Variants in FOXN3 observed in about 807,000 individuals in gnomAD.
The protein encoded by FOXN3 is forkhead box protein N3.
A neutral mutation model predicts 38.4 loss-of-function variants in FOXN3; 7 were observed. The ratio of observed to expected loss-of-function variants is 0.18; its 90% CI spans 0.10 to 0.34. The LOEUF (loss-of-function observed/expected upper bound fraction) is 0.34, where lower values mean the gene tolerates loss of function less well. Among genes scored for constraint, FOXN3 ranks in the 10% least tolerant of loss-of-function variants. The pLI is 1.00. For missense variants in FOXN3, 456 were observed against 613.4 expected (o/e 0.74, Z 2.71); for synonymous variants, 230 against 242.2 (o/e 0.95, Z 0.47).
chr14:89,195,981 A>T (rs1271073845), intron 4 of FOXN3, among the ~76,000 whole-genome samples: 1 of 152,124 alleles, frequency 6.6e-6, no homozygotes, highest in Non-Finnish European at 1.5e-5. Context: ...AGACTGAGCC[A>T]ATCTCAAATC....
At chr14:89,431,713 G>C (rs1474323154) in intron 1 of FOXN3, among the ~76,000 whole-genome samples, 1 of 152,142 alleles carries the variant, frequency 6.6e-6, no homozygotes, top group Admixed American at 6.5e-5. Context: ...CACAAGCATA[G>C]TGCTGTGGTT....
At chr14:89,488,871 T>TA (rs1221174276) in intron 1 of FOXN3, among the ~76,000 whole-genome samples, 2 of 152,052 alleles carry the variant, frequency 1.3e-5, no homozygotes, top group Non-Finnish European at 2.9e-5. Flanking sequence ...GTTTTAGCTT[T>TA]AAAAAAACAC....
chr14:89,411,163 C>T (rs1455509940), intron 2 of FOXN3, among the ~76,000 whole-genome samples: 2 of 152,166 alleles, frequency 1.3e-5, no homozygotes, highest in Non-Finnish European at 2.9e-5. Flanking sequence ...AGGTTGCGTG[C>T]TTCTTATGAG....
intron 1 of FOXN3, among the ~76,000 whole-genome samples, chr14:89,495,347 G>A (rs1893658347): frequency 6.6e-6 from 1 of 152,138 alleles, no homozygotes; most frequent in Non-Finnish European, 1.5e-5. Context: ...GCCTAGAAAA[G>A]ATGAGCAAAC....
intron 4 of FOXN3, among the ~76,000 whole-genome samples, chr14:89,215,761 G>T (rs1884259471): frequency 6.6e-6 from 1 of 152,182 alleles, no homozygotes; most frequent in African/African-American, 2.4e-5. Flanking sequence ...AGGAGAATTT[G>T]TTGGCCCAAG....
chr14:89,351,413 CTATT>C (rs1486302403), intron 2 of FOXN3: 1 of 152,180 alleles, frequency 6.6e-6, no homozygotes, highest in East Asian at 1.9e-4. Context: ...TCAGAATCCA[CTATT>C]TATTTTTTGG....
chr14:89,592,737 T>C (rs1331158473), intron 1 of FOXN3, among the ~76,000 whole-genome samples: 2 of 152,172 alleles, frequency 1.3e-5, no homozygotes, highest in Non-Finnish European at 2.9e-5. Flanking sequence ...AATTAGAGAA[T>C]GTGCTCTAAC....
At chr14:89,498,577 T>G (rs770825040) in intron 1 of FOXN3, among the ~76,000 whole-genome samples, 33 of 152,152 alleles carry the variant, frequency 2.2e-4, no homozygotes, top group Non-Finnish European at 5.9e-5. Context: ...GAAAGTGAAT[T>G]TCATCACAAT....
At chr14:89,214,916 G>A (rs1039386555) in intron 4 of FOXN3, among the ~76,000 whole-genome samples, 5 of 152,176 alleles carry the variant, frequency 3.3e-5, no homozygotes, top group African/African-American at 7.2e-5. Flanking sequence ...AACTATTACC[G>A]GGTAAGGTGA....
intron 2 of FOXN3, among the ~76,000 whole-genome samples, chr14:89,363,947 A>AATAAATATATATATATATATAT (rs1198064384): frequency 9.0e-6 from 1 of 111,400 alleles, no homozygotes; most frequent in African/African-American, 5.2e-5. Context: ...CTGTCTGTAA[A>AATAAATATATATATATATATAT]ATATATATAT....
At chr14:89,514,554 C>G (rs1240963077) in intron 1 of FOXN3, among the ~76,000 whole-genome samples, 1 of 152,224 alleles carries the variant, frequency 6.6e-6, no homozygotes, top group Non-Finnish European at 1.5e-5. Context: ...CGTAACCAGA[C>G]TTTACTGACG....
At chr14:89,354,301 C>T (rs1380269426) in intron 2 of FOXN3, among the ~76,000 whole-genome samples, 1 of 151,346 alleles carries the variant, frequency 6.6e-6, no homozygotes, top group East Asian at 2.0e-4. Context: ...AATCTTGGCT[C>T]ATTGCAATCT....
At chr14:89,321,562 G>C (rs1297065855) in intron 3 of FOXN3, among the ~76,000 whole-genome samples, 1 of 152,154 alleles carries the variant, frequency 6.6e-6, no homozygotes, top group African/African-American at 2.4e-5. Flanking sequence ...GGGTGACAGA[G>C]TGAGATTCTG....
intron 1 of FOXN3, among the ~76,000 whole-genome samples, chr14:89,515,054 G>A (rs766900563): frequency 9.2e-5 from 14 of 151,952 alleles, no homozygotes; most frequent in Admixed American, 6.6e-4. Context: ...AGAGTAGCTG[G>A]GATTACAAGC....
At chr14:89,418,807 G>A (rs1474881597), upstream of FOXN3, among the ~76,000 whole-genome samples, 1 of 152,142 alleles carries the variant, frequency 6.6e-6, no homozygotes, top group African/African-American at 2.4e-5. Flanking sequence ...CCATCAGCGC[G>A]TCAGTTGAGG....
chr14:89,556,319 C>T (rs1895122516), intron 1 of FOXN3, among the ~76,000 whole-genome samples: 1 of 151,652 alleles, frequency 6.6e-6, no homozygotes, highest in Non-Finnish European at 1.5e-5. Context: ...AGGAGAATCG[C>T]TTGAACCCAG....
At chr14:89,380,772 A>G (rs138066884) in intron 2 of FOXN3, among the ~76,000 whole-genome samples, 1 of 152,272 alleles carries the variant, frequency 6.6e-6, no homozygotes, top group African/African-American at 2.4e-5. Context: ...ACTACTGAAG[A>G]TGCTTCCCCT....
At chr14:89,404,128 T>C (rs373615111) in intron 2 of FOXN3, among the ~76,000 whole-genome samples, 6 of 152,176 alleles carry the variant, frequency 3.9e-5, no homozygotes, top group Admixed American at 2.0e-4. Context: ...AATGAAAGGT[T>C]TGCCAGAGCA....
intron 3 of FOXN3, chr14:89,290,724 T>C (rs1399383200): frequency 2.8e-6 from 1 of 355,810 alleles, no homozygotes; most frequent in Non-Finnish European, 5.5e-6. Context: ...AGACGTACTT[T>C]GCCCTCCGTG....
Sources: allele counts gnomAD v4.1 joint callset (sites outside exome capture counted in the v4.1 genomes callset), GRCh38; gene constraint gnomAD v4.1.1; transcripts MANE v1.5; gene names NCBI Gene and HGNC (gene_info 2026-07-23, HGNC 2026-07-21).